The following RNF24 variants were observed in gnomAD, a reference collection of about 807,000 sequenced individuals.
The protein encoded by RNF24 is ring finger protein 24.
RNF24 carries 14 observed loss-of-function variants against 20.0 expected under a neutral mutation model. That is an observed-to-expected ratio of 0.70 (90% CI 0.46 to 1.10). The LOEUF (loss-of-function observed/expected upper bound fraction) is 1.10, where lower values mean the gene tolerates loss of function less well. Among genes scored for constraint, RNF24 ranks in the 50% least tolerant of loss-of-function variants. The pLI is 0.00. For missense variants in RNF24, 124 were observed against 177.6 expected, an observed-to-expected ratio of 0.70 and a Z score of 1.71; for synonymous variants, 45 against 61.1, an observed-to-expected ratio of 0.74 and a Z score of 1.23.
At chr20:4,000,071 A>C (rs1981261841) in intron 1 of RNF24, among the ~76,000 whole-genome samples, 1 of 152,154 alleles carries the variant, frequency 6.6e-6, no homozygotes, top group Non-Finnish European at 1.5e-5. Flanking sequence ...ATGATAACTA[A>C]AATGTTCTAA....
chr20:4,002,120 T>C (rs1216880240), intron 1 of RNF24, among the ~76,000 whole-genome samples: 1 of 151,830 alleles, frequency 6.6e-6, no homozygotes, highest in Admixed American at 6.6e-5. Flanking sequence ...GCGTGGTGGC[T>C]CATGCCTGTA....
At chr20:3,944,705 G>A (rs1330209748) in intron 4 of RNF24, among the ~76,000 whole-genome samples, 1 of 152,136 alleles carries the variant, frequency 6.6e-6, no homozygotes, top group East Asian at 1.9e-4. Context: ...CCATGCAACC[G>A]AAGAGCTAAA....
chr20:3,948,058 AAAG>A (rs1234293377), intron 3 of RNF24, among the ~76,000 whole-genome samples, 176 bp downstream of exon 3: 3 of 152,124 alleles, frequency 2.0e-5, no homozygotes, highest in South Asian at 2.1e-4. Flanking sequence ...AAAAAAAAAA[AAAG>A]AAGAGAAGAA....
chr20:3,957,663 C>CA (rs1410073637), intron 2 of RNF24, among the ~76,000 whole-genome samples: 3 of 151,940 alleles, frequency 2.0e-5, no homozygotes, highest in Non-Finnish European at 4.4e-5. Context: ...ATCTGTGGCT[C>CA]AAAATTCATC....
At chr20:3,941,705 G>A (rs889332494) in intron 4 of RNF24, among the ~76,000 whole-genome samples, 1 of 152,100 alleles carries the variant, frequency 6.6e-6, no homozygotes, top group African/African-American at 2.4e-5. Flanking sequence ...TTGGCAGAGT[G>A]GATAAAGAAA....
intron 2 of RNF24, among the ~76,000 whole-genome samples, chr20:3,958,487 C>T (rs143324882): frequency 2.6e-5 from 4 of 152,310 alleles, no homozygotes; most frequent in Non-Finnish European, 4.4e-5. Context: ...CCCTATGCTA[C>T]TGAAATTTTT....
chr20:3,954,653 C>T (rs2091120828), intron 2 of RNF24, among the ~76,000 whole-genome samples: 1 of 151,968 alleles, frequency 6.6e-6, no homozygotes. Context: ...GCCTGTAATC[C>T]CAGCACTTTG....
At chr20:3,947,876 G>A (rs1052586373) in intron 3 of RNF24, among the ~76,000 whole-genome samples, 8 of 151,934 alleles carry the variant, frequency 5.3e-5, no homozygotes, top group African/African-American at 1.5e-4. Flanking sequence ...GAGAAACCCC[G>A]TCTCTACTAA....
At chr20:3,960,225 T>TA (rs1010520125) in intron 2 of RNF24, among the ~76,000 whole-genome samples, 2 of 152,116 alleles carry the variant, frequency 1.3e-5, no homozygotes, top group African/African-American at 4.8e-5. Flanking sequence ...TAGGTTATCA[T>TA]AAAAAATGAG....
At chr20:3,970,844 G>A (rs551397282) in intron 1 of RNF24, among the ~76,000 whole-genome samples, 61 of 152,154 alleles carry the variant, frequency 4.0e-4, no homozygotes, top group African/African-American at 1.3e-3. Flanking sequence ...TCAGGAGTTC[G>A]AGACAAGCCT....
At chr20:3,974,335 C>A (rs138600163) in intron 1 of RNF24, 16 of 1,550,708 alleles carry the variant, frequency 1.0e-5, no homozygotes, top group African/African-American at 2.7e-5. Flanking sequence ...TACTTACCCC[C>A]CTAAGACCGG....
chr20:4,008,757 G>A (rs1196229254), intron 1 of RNF24, among the ~76,000 whole-genome samples: 2 of 150,724 alleles, frequency 1.3e-5, no homozygotes, highest in Admixed American at 1.3e-4. Context: ...ATCTTGGCCA[G>A]GCTGGTCTTG....
chr20:4,004,440 A>C (rs1257669660), intron 1 of RNF24, among the ~76,000 whole-genome samples: 2 of 152,142 alleles, frequency 1.3e-5, no homozygotes, highest in Non-Finnish European at 1.5e-5. Flanking sequence ...CCTCAAAAAG[A>C]TATGTCCATT....
At chr20:3,964,370 C>T (rs954514286) in intron 1 of RNF24, among the ~76,000 whole-genome samples, 2 of 152,140 alleles carry the variant, frequency 1.3e-5, no homozygotes, top group Non-Finnish European at 2.9e-5. Flanking sequence ...ATTCTTCAAA[C>T]TCTTTAGCCT....
At chr20:3,946,365 G>A (rs962213194) in intron 3 of RNF24, among the ~76,000 whole-genome samples, 1 of 152,030 alleles carries the variant, frequency 6.6e-6, no homozygotes, top group Non-Finnish European at 1.5e-5. Context: ...TACTTGGGAG[G>A]CTCACCTGAG....
At position 4,004,421 on chromosome 20, in the gene RNF24, A is replaced by G. The variant is rs139416023; in HGVS notation, c.-8+11016T>C. ...AAATCTTACTCTCTTGAGTGGATTGAATGGTGGCCCTCAAAAAGATATGTC... is the reference window on the plus strand; with the variant it reads ...AAATCTTACTCTCTTGAGTGGATTGGATGGTGGCCCTCAAAAAGATATGTC... On this transcript the variant is annotated intron_variant, in intron 1 of 5. Coordinates refer to ENST00000358395, the MANE Select transcript of RNF24 (RefSeq NM_001134337.3). 2.7e-4 allele frequency among the ~76,000 whole-genome samples: 41 copies of G among 152,328 alleles called. 1 individual carries two copies. The highest frequency in any genetic ancestry group is 9.4e-4 in the African/African-American group (39 of 41,584).
chr20:3,991,871 T>C (rs547578552), intron 1 of RNF24, among the ~76,000 whole-genome samples: 2 of 152,226 alleles, frequency 1.3e-5, no homozygotes, highest in South Asian at 4.1e-4. Context: ...ATAATGCACA[T>C]TATTGTCTTA....
chr20:3,996,922 A>G (rs945585489), intron 1 of RNF24, among the ~76,000 whole-genome samples: 2 of 152,172 alleles, frequency 1.3e-5, no homozygotes, highest in African/African-American at 4.8e-5. Context: ...TTTTACATGA[A>G]TAAGAAATAC....
At chr20:3,951,666 A>G (rs1179036866) in intron 2 of RNF24, among the ~76,000 whole-genome samples, 1 of 152,186 alleles carries the variant, frequency 6.6e-6, no homozygotes, top group African/African-American at 2.4e-5. Context: ...GTCTTAATCT[A>G]TGGGAAGAGA....
Sources: allele counts gnomAD v4.1 joint callset (sites outside exome capture counted in the v4.1 genomes callset), GRCh38; gene constraint gnomAD v4.1.1; transcripts MANE v1.5; gene names NCBI Gene and HGNC (gene_info 2026-07-23, HGNC 2026-07-21).